The following BMPR1B variants were observed in gnomAD, a reference collection of about 807,000 sequenced individuals.
The protein encoded by BMPR1B is bone morphogenetic protein receptor type 1B.
In BMPR1B, 12 loss-of-function variants were observed where a neutral mutation model predicts 59.1. The observed-to-expected ratio is 0.20, with a 90% CI of 0.13 to 0.33. BMPR1B has a LOEUF of 0.33. BMPR1B is among the 10% of genes least tolerant of loss of function. The pLI, the probability that BMPR1B is intolerant of heterozygous loss-of-function variation, is 1.00. For missense variants in BMPR1B, 550 were observed against 610.9 expected, an observed-to-expected ratio of 0.90 and a Z score of 1.05; for synonymous variants, 237 against 207.3, an observed-to-expected ratio of 1.14 and a Z score of -1.23.
intron 2 of BMPR1B, among the ~76,000 whole-genome samples, chr4:94,993,188 C>T (rs1721854359): frequency 6.6e-6 from 1 of 152,124 alleles, no homozygotes; most frequent in Non-Finnish European, 1.5e-5. Context: ...GCCACTTGTG[C>T]CCAGCCCAGT....
chr4:95,033,288 A>G (rs1725010753), intron 3 of BMPR1B, among the ~76,000 whole-genome samples: 1 of 150,238 alleles, frequency 6.7e-6, no homozygotes, highest in South Asian at 2.2e-4. Flanking sequence ...TTTAATTTTA[A>G]AGTAGTCCAG....
At chr4:94,954,218 T>A (rs1730056935) in intron 2 of BMPR1B, among the ~76,000 whole-genome samples, 1 of 152,154 alleles carries the variant, frequency 6.6e-6, no homozygotes. Context: ...CAGAGACTGG[T>A]TTATTCCTTG....
At chr4:94,986,241 TTA>T (rs1404631929) in intron 2 of BMPR1B, among the ~76,000 whole-genome samples, 1 of 152,202 alleles carries the variant, frequency 6.6e-6, no homozygotes, top group Non-Finnish European at 1.5e-5. Flanking sequence ...TTCTTTATTC[TTA>T]TGTTTTCTAC....
At chr4:94,821,912 C>G (rs536099544) in intron 1 of BMPR1B, among the ~76,000 whole-genome samples, 76 of 152,308 alleles carry the variant, frequency 5.0e-4, no homozygotes, top group African/African-American at 1.8e-3. Context: ...TAATGAAACA[C>G]CCCTTTCTGT....
In BMPR1B at chr4:94,913,447, G is replaced by A. The variant is rs140459099; in HGVS notation, c.-113+37547G>A. Reference sequence around the variant, plus strand: ...AAGATTGAAACTATTGCGGTAAACAGGATGCTTAGTGTGACAGTTTGAACC... The same window carrying A: ...AAGATTGAAACTATTGCGGTAAACAAGATGCTTAGTGTGACAGTTTGAACC... On this transcript the variant is annotated intron_variant, in intron 2 of 12. Transcript: ENST00000515059. Among the ~76,000 whole-genome samples, 459 of 152,244 alleles carry A rather than the reference G, an allele frequency of 3.0e-3. 3 individuals are homozygous for A. The highest frequency in any genetic ancestry group is 6.8e-3 in the Middle Eastern group (2 of 294).
intron 8 of BMPR1B, among the ~76,000 whole-genome samples, chr4:95,127,361 A>G (rs1732982832): frequency 1.3e-5 from 2 of 152,170 alleles, no homozygotes; most frequent in Non-Finnish European, 2.9e-5. Context: ...AGGTCCTTAC[A>G]TGTTATAATA....
At chr4:95,015,867 A>C (rs185336124) in intron 3 of BMPR1B, among the ~76,000 whole-genome samples, 447 of 152,112 alleles carry the variant, frequency 2.9e-3, no homozygotes, top group Middle Eastern at 0.01. Context: ...TCATTTTTGT[A>C]TTTTTAGTGG....
intron 4 of BMPR1B, among the ~76,000 whole-genome samples, chr4:95,110,664 A>G (rs559169424): frequency 4.6e-5 from 7 of 152,276 alleles, no homozygotes; most frequent in African/African-American, 1.4e-4. Flanking sequence ...CAATCAGTAG[A>G]AAACACTTAG....
At chr4:95,115,190 A>G (rs1731926614) in intron 5 of BMPR1B, among the ~76,000 whole-genome samples, 1 of 152,088 alleles carries the variant, frequency 6.6e-6, no homozygotes, top group Non-Finnish European at 1.5e-5. Context: ...GTGCAAGTGT[A>G]CTCTGTGATC....
chr4:94,832,644 C>T (rs1724645951), intron 1 of BMPR1B, among the ~76,000 whole-genome samples: 1 of 151,878 alleles, frequency 6.6e-6, no homozygotes, highest in African/African-American at 2.4e-5. Context: ...TCAGCCAGAC[C>T]TGGTGGTGTA....
chr4:94,899,225 G>A (rs1174951268), intron 2 of BMPR1B, among the ~76,000 whole-genome samples: 1 of 151,752 alleles, frequency 6.6e-6, no homozygotes, highest in Admixed American at 6.6e-5. Context: ...GGGCCTATGT[G>A]GATAATCTAG....
At chr4:94,962,870 A>G (rs537169069) in intron 2 of BMPR1B, among the ~76,000 whole-genome samples, 2 of 152,210 alleles carry the variant, frequency 1.3e-5, no homozygotes, top group South Asian at 2.1e-4. Context: ...TGGTAGTTCT[A>G]GTTTAAGTTA....
Position 94,962,193 on chromosome 4 carries a change from G to A in BMPR1B, c.-112-33847G>A, listed in dbSNP as rs372357035. 8.8e-5 allele frequency among the ~76,000 whole-genome samples: 13 copies of A among 147,830 alleles called. No individual in the cohort carries two copies. In the East Asian group the frequency reaches 1.6e-3, roughly 18 times the overall value. ...TGCTCTGTCACCGAGGCTGGAGTGC[G>A]GTAGCGTAATCTTGGCTGACTGAAT... On this transcript the variant is annotated intron_variant, in intron 2 of 12. Coordinates refer to ENST00000515059, the MANE Select transcript of BMPR1B (RefSeq NM_001203.3).
At chr4:95,105,740 T>G (rs1295166538) in intron 4 of BMPR1B, among the ~76,000 whole-genome samples, 1 of 152,036 alleles carries the variant, frequency 6.6e-6, no homozygotes, top group Non-Finnish European at 1.5e-5. Context: ...ACTACAAAGT[T>G]GTGACCACTG....
At chr4:95,026,035 G>A (rs1196185723) in intron 3 of BMPR1B, among the ~76,000 whole-genome samples, 1 of 152,076 alleles carries the variant, frequency 6.6e-6, no homozygotes, top group African/African-American at 2.4e-5. Context: ...TCTAATCAGT[G>A]TGTACAGTAT....
intron 3 of BMPR1B, among the ~76,000 whole-genome samples, chr4:95,066,890 A>G (rs1359139664): frequency 2.0e-5 from 3 of 152,184 alleles, no homozygotes; most frequent in Admixed American, 2.0e-4. Flanking sequence ...ATAACAGGCA[A>G]TGGAAATGCA....
intron 3 of BMPR1B, among the ~76,000 whole-genome samples, chr4:95,077,604 G>A (rs1728809060): frequency 6.6e-6 from 1 of 152,132 alleles, no homozygotes; most frequent in Non-Finnish European, 1.5e-5. Context: ...ATTTTAAAGT[G>A]AATGTGATAT....
chr4:95,051,702 G>C, intron 3 of BMPR1B: 1 of 1,535,586 alleles, frequency 6.5e-7, no homozygotes, highest in Non-Finnish European at 8.7e-7. Flanking sequence ...CTGCTGCAAT[G>C]GGTTGGCTGG....
chr4:94,959,615 C>A (rs2149064590), intron 2 of BMPR1B, among the ~76,000 whole-genome samples: 1 of 152,196 alleles, frequency 6.6e-6, no homozygotes, highest in Non-Finnish European at 1.5e-5. Flanking sequence ...ATAAGGACAG[C>A]ATTTTTTCTT....
Sources: allele counts gnomAD v4.1 joint callset (sites outside exome capture counted in the v4.1 genomes callset), GRCh38; gene constraint gnomAD v4.1.1; transcripts MANE v1.5; gene names NCBI Gene and HGNC (gene_info 2026-07-23, HGNC 2026-07-21).